The following RASA1 variants were observed in gnomAD, a reference collection of about 807,000 sequenced individuals.
The protein encoded by RASA1 is ras GTPase-activating protein 1.
A neutral mutation model predicts 132.2 loss-of-function variants in RASA1; 25 were observed. That is an observed-to-expected ratio of 0.19 (90% CI 0.14 to 0.26). RASA1 has a LOEUF of 0.26. RASA1 is among the 10% of genes least tolerant of loss of function. RASA1 has a pLI of 1.00. For missense variants in RASA1, 964 were observed against 1,299.2 expected (o/e 0.74, Z 3.97); for synonymous variants, 477 against 449.9 (o/e 1.06, Z -0.76).
chr5:87,299,989 A>AT (rs1033779320), intron 1 of RASA1, among the ~76,000 whole-genome samples: 5 of 152,230 alleles, frequency 3.3e-5, no homozygotes, highest in East Asian at 1.9e-4. Context: ...TTTTCTTATA[A>AT]TTTTTTTCCT....
intron 16 of RASA1, 130 bp from the exon 17 acceptor site, chr5:87,376,751 T>G (rs1479090669): frequency 1.3e-5 from 16 of 1,208,040 alleles, no homozygotes; most frequent in South Asian, 1.4e-5. Context: ...CATTCTATTT[T>G]AAATAAATTT....
rs773957083 is a variant in RASA1 at position 87,369,858 on chromosome 5, T to C, written c.1656T>C (p.His552=). 1.1e-5 allele frequency: 18 copies of C among 1,612,254 alleles called. No homozygotes were observed. The South Asian group carries it at 1.6e-4, about 15-fold the overall frequency. The change falls in exon 12 of 25, where the codon CAT becomes CAC. Residue 552 remains histidine, a synonymous_variant. Coordinates refer to ENST00000274376, the MANE Select transcript of RASA1 (RefSeq NM_002890.3). ...TAGTTCAGCACTTTAGTGAAGAACA[T>C]TACATCTTTTACTTTGCAGGAGAAA... is the stretch of plus-strand genomic sequence containing the variant. ...QIVVQHFSEE[H]YIFYFAGETP...
At chr5:87,390,708 G>T in intron 24 of RASA1, 92 bp from the exon 25 acceptor site, 1 of 1,006,070 alleles carries the variant, frequency 9.9e-7, no homozygotes, top group Non-Finnish European at 1.6e-6. Flanking sequence ...GCATCCTTTT[G>T]CTTTGATACA....
intron 1 of RASA1, among the ~76,000 whole-genome samples, chr5:87,308,112 C>A (rs147431200): frequency 2.0e-5 from 3 of 152,148 alleles, no homozygotes; most frequent in Non-Finnish European, 4.4e-5. Flanking sequence ...GACCAGAATC[C>A]TGGCCCTTCA....
At chr5:87,321,167 G>A (rs1756772123) in intron 1 of RASA1, among the ~76,000 whole-genome samples, 1 of 152,144 alleles carries the variant, frequency 6.6e-6, no homozygotes, top group Non-Finnish European at 1.5e-5. Flanking sequence ...GATACTGGAG[G>A]TGCAGTATAC....
intron 7 of RASA1, among the ~76,000 whole-genome samples, chr5:87,348,390 G>T (rs981070722): frequency 1.3e-5 from 2 of 151,902 alleles, no homozygotes; most frequent in Non-Finnish European, 1.5e-5. Context: ...AACTTAAATG[G>T]AGAAAAGGCA....
chr5:87,277,057 AT>A (rs1754095529), intron 1 of RASA1, among the ~76,000 whole-genome samples: 2 of 152,290 alleles, frequency 1.3e-5, no homozygotes, highest in Admixed American at 1.3e-4. Flanking sequence ...GTATTTGCTA[AT>A]CATTTGCTAG....
At chr5:87,338,383 G>A (rs1180324203) in intron 5 of RASA1, among the ~76,000 whole-genome samples, 2 of 150,132 alleles carry the variant, frequency 1.3e-5, no homozygotes, top group Non-Finnish European at 3.0e-5. Context: ...CCAGGCTAGA[G>A]TGCAGTGGCG....
intron 20 of RASA1, among the ~76,000 whole-genome samples, chr5:87,380,905 T>C (rs1444620506): frequency 1.3e-5 from 2 of 152,198 alleles, no homozygotes; most frequent in African/African-American, 2.4e-5. Flanking sequence ...TCTTCATACA[T>C]ACACACACAT....
rs1334850082 is a variant in RASA1, at chr5:87,268,362, G to T, written c.-90G>T. 9.3e-6 allele frequency: 13 copies of T among 1,405,298 alleles called. No homozygotes were observed. Among genetic ancestry groups the T allele is most frequent in the South Asian group, 3.0e-5 (2 of 65,814 alleles). The allele number at this position is 1,405,298 out of a possible 1,614,324, so 87.1% of individuals were successfully genotyped here. On this transcript the variant is annotated 5_prime_UTR_variant, in exon 1 of 25. Transcript: ENST00000274376. ...CAGCCTGGGGAGCTGAAGGGGAGAC[G>T]CGTCTGGGTGGGGCTGCTCGGAGCC...
chr5:87,362,798 C>T (rs1455754951), intron 10 of RASA1, 127 bp downstream of exon 10: 1 of 1,069,898 alleles, frequency 9.3e-7, no homozygotes. Flanking sequence ...TTGTTTAGAG[C>T]CCATATATAA....
intron 11 of RASA1, among the ~76,000 whole-genome samples, chr5:87,365,581 T>A (rs1008684777): frequency 6.6e-6 from 1 of 152,100 alleles, no homozygotes; most frequent in African/African-American, 2.4e-5. Flanking sequence ...ACATAATGAA[T>A]TTGATATATT....
At chr5:87,323,468 A>G (rs562727322) in intron 1 of RASA1, among the ~76,000 whole-genome samples, 5 of 152,286 alleles carry the variant, frequency 3.3e-5, no homozygotes, top group African/African-American at 1.2e-4. Flanking sequence ...TATTGCTGAT[A>G]CCAGATGAAA....
In RASA1 at chr5:87,268,346, G is replaced by T. The variant is rs768524089; in HGVS notation, c.-106G>T. The T allele has an allele frequency of 1.5e-4, 201 of 1,329,074 alleles. No individual in the cohort carries two copies. Among genetic ancestry groups the T allele is most frequent in the Non-Finnish European group, 1.9e-4 (189 of 997,546 alleles). The allele number at this position is 1,329,074 out of a possible 1,614,324, so 82.3% of individuals were successfully genotyped here. Reference sequence around the variant, plus strand: ...TTTGTTGTTGTTTCCTCAGCCTGGGGAGCTGAAGGGGAGACGCGTCTGGGT... The same window carrying T: ...TTTGTTGTTGTTTCCTCAGCCTGGGTAGCTGAAGGGGAGACGCGTCTGGGT... On this transcript the variant is annotated 5_prime_UTR_variant, in exon 1 of 25. Coordinates refer to ENST00000274376, the MANE Select transcript of RASA1 (RefSeq NM_002890.3).
Position 87,338,536 on chromosome 5 carries a change from A to ATATATATATATATATATT in RASA1, c.1017+446_1017+447insATATATATATATATATTT. 8.3e-4 allele frequency among the ~76,000 whole-genome samples: 71 copies of ATATATATATATATATATT among 85,160 alleles called. 1 individual carries two copies. Among genetic ancestry groups the ATATATATATATATATATT allele is most frequent in the Middle Eastern group, 7.5e-3 (1 of 134 alleles). The allele number at this position is 85,160 out of a possible 152,430, so 55.9% of individuals were successfully genotyped here. On this transcript the variant is annotated intron_variant, in intron 5 of 24. Coordinates refer to ENST00000274376, the MANE Select transcript of RASA1 (RefSeq NM_002890.3). Reference sequence around the variant, plus strand: ...ATATATATATATATATATATATAAAATTTTTTTTTTTTTTAAGTAGAAATG... The same window carrying ATATATATATATATATATT: ...ATATATATATATATATATATATAAAATATATATATATATATATTTTTTTTTTTTTTTTAAGTAGAAATG...
At chr5:87,347,261 C>T (rs573704632) in intron 7 of RASA1, among the ~76,000 whole-genome samples, 2 of 151,932 alleles carry the variant, frequency 1.3e-5, no homozygotes, top group Admixed American at 6.6e-5. Context: ...TCTTTGTATA[C>T]TTGTGGAATT....
chr5:87,353,097 T>G (rs2112431504), intron 8 of RASA1, 60 bp from the exon 9 acceptor site: 1 of 1,358,972 alleles, frequency 7.4e-7, no homozygotes, highest in East Asian at 2.3e-5. Context: ...TTTACACATA[T>G]TTTTAAAGAT....
chr5:87,286,161 C>A (rs1002106911), intron 1 of RASA1, among the ~76,000 whole-genome samples: 7 of 152,086 alleles, frequency 4.6e-5, no homozygotes, highest in Non-Finnish European at 1.0e-4. Flanking sequence ...GCCACCACCC[C>A]TGGCTAATTT....
chr5:87,354,568 G>A (rs1055525405), intron 9 of RASA1, among the ~76,000 whole-genome samples: 1 of 152,038 alleles, frequency 6.6e-6, no homozygotes, highest in African/African-American at 2.4e-5. Context: ...TCTCCTTGGG[G>A]CTTCCTATTT....
Sources: allele counts gnomAD v4.1 joint callset (sites outside exome capture counted in the v4.1 genomes callset), GRCh38; gene constraint gnomAD v4.1.1; transcripts MANE v1.5; gene names NCBI Gene and HGNC (gene_info 2026-07-23, HGNC 2026-07-21).